RAD51B: variants seen among roughly 807,000 people sequenced by gnomAD.
RAD51B encodes the protein DNA repair protein RAD51 homolog 2.
A neutral mutation model predicts 42.2 loss-of-function variants in RAD51B; 38 were observed. That is an observed-to-expected ratio of 0.90 (90% CI 0.70 to 1.18). The LOEUF is 1.18. Among genes scored for constraint, RAD51B ranks in the 50% most tolerant of loss-of-function variants. The pLI is 0.00. For synonymous variants in RAD51B, 154 were observed against 145.2 expected, an observed-to-expected ratio of 1.06 and a Z score of -0.43; for missense variants, 373 against 400.7, an observed-to-expected ratio of 0.93 and a Z score of 0.59.
chr14:67,929,811 T>TG (rs1555417140), intron 7 of RAD51B, among the ~76,000 whole-genome samples: 8 of 152,038 alleles, frequency 5.3e-5, no homozygotes, highest in African/African-American at 1.9e-4. Flanking sequence ...TCTTTTTTTT[T>TG]TGTGTTTTTT....
intron 7 of RAD51B, among the ~76,000 whole-genome samples, chr14:67,943,380 G>C (rs1474721196): frequency 6.6e-6 from 1 of 152,100 alleles, no homozygotes; most frequent in East Asian, 1.9e-4. Flanking sequence ...AGGAGGTTTT[G>C]AATTAACTGG....
chr14:68,508,069 C>T (rs1302041793), intron 10 of RAD51B, among the ~76,000 whole-genome samples: 2 of 152,180 alleles, frequency 1.3e-5, no homozygotes, highest in Non-Finnish European at 2.9e-5. Flanking sequence ...AAGGGTTTAA[C>T]CCTGCTGAAG....
At chr14:68,397,086 G>A (rs1426280108) in intron 8 of RAD51B, among the ~76,000 whole-genome samples, 3 of 152,186 alleles carry the variant, frequency 2.0e-5, no homozygotes, top group African/African-American at 7.2e-5. Context: ...AAGGTGTTTA[G>A]CCTGGAAAAC....
chr14:68,003,238 C>T (rs2075520184), intron 7 of RAD51B, among the ~76,000 whole-genome samples: 1 of 152,116 alleles, frequency 6.6e-6, no homozygotes, highest in Admixed American at 6.5e-5. Flanking sequence ...TGAAGAGGTC[C>T]TTCACTTCCC....
chr14:68,126,643 C>G (rs977247912), intron 7 of RAD51B, among the ~76,000 whole-genome samples: 3 of 152,226 alleles, frequency 2.0e-5, no homozygotes, highest in African/African-American at 7.2e-5. Flanking sequence ...ACTGCAGCAT[C>G]TGTTCCATAC....
chr14:68,318,796 T>C (rs561443648), intron 8 of RAD51B, among the ~76,000 whole-genome samples: 1 of 152,344 alleles, frequency 6.6e-6, no homozygotes, highest in African/African-American at 2.4e-5. Context: ...AAGAAAATGC[T>C]GTTTCATCTG....
intron 7 of RAD51B, among the ~76,000 whole-genome samples, chr14:68,008,073 C>T (rs914179078): frequency 6.6e-6 from 1 of 151,536 alleles, no homozygotes; most frequent in Non-Finnish European, 1.5e-5. Context: ...GGATATTTGG[C>T]AACATTATAA....
At chr14:68,175,916 T>C (rs2078954527) in intron 7 of RAD51B, among the ~76,000 whole-genome samples, 1 of 152,256 alleles carries the variant, frequency 6.6e-6, no homozygotes, top group Admixed American at 6.5e-5. Context: ...ATGCACTTCC[T>C]AGAATAGTTG....
chr14:68,483,634 C>T (rs1441827825), intron 10 of RAD51B, among the ~76,000 whole-genome samples: 1 of 152,208 alleles, frequency 6.6e-6, no homozygotes, highest in East Asian at 1.9e-4. Context: ...TGTTACCAGA[C>T]ATGATGCACG....
At position 68,471,177 on chromosome 14, in the gene RAD51B, G is replaced by C. The variant is rs1423832916; in HGVS notation, c.1036+2927G>C. On this transcript the variant is annotated intron_variant, in intron 10 of 10. Transcript: ENST00000471583. Reference sequence around the variant, plus strand: ...GCCCATGTCCAGGGACTTAGAGACAGACAGGGCAGCTCCTGTGCTGCCAAC... The same window carrying C: ...GCCCATGTCCAGGGACTTAGAGACACACAGGGCAGCTCCTGTGCTGCCAAC... Among the ~76,000 whole-genome samples the C allele has an allele frequency of 2.0e-5, 3 of 152,166 alleles. No individual in the cohort carries two copies. The East Asian group carries it at 5.8e-4, about 29-fold the overall frequency.
At chr14:68,540,469 G>A (rs1297029161) in intron 10 of RAD51B, 1 of 985,172 alleles carries the variant, frequency 1.0e-6, no homozygotes, top group Non-Finnish European at 1.2e-6. Context: ...TCTTCATGTG[G>A]AAATGAGAGA....
chr14:68,566,586 C>T (rs1299101849), intron 10 of RAD51B, among the ~76,000 whole-genome samples: 1 of 152,184 alleles, frequency 6.6e-6, no homozygotes, highest in Non-Finnish European at 1.5e-5. Context: ...GCCAGATTGA[C>T]CACTGTCTTC....
chr14:68,428,331 T>G (rs2084903895), intron 9 of RAD51B, among the ~76,000 whole-genome samples: 1 of 152,182 alleles, frequency 6.6e-6, no homozygotes, highest in Non-Finnish European at 1.5e-5. Context: ...TCTTCCAATT[T>G]TTTTGCATTT....
intron 8 of RAD51B, among the ~76,000 whole-genome samples, chr14:68,331,380 A>AAAAAAAAAAAAAAAAAAAAAAAAAAAAC (rs1566813651): frequency 1.3e-5 from 2 of 148,348 alleles, no homozygotes; most frequent in Non-Finnish European, 3.0e-5. Flanking sequence ...AAAAAAAAAA[A>AAAAAAAAAAAAAAAAAAAAAAAAAAAAC]AAAAAGCAAT....
intron 7 of RAD51B, among the ~76,000 whole-genome samples, chr14:68,131,721 G>A (rs907248105): frequency 5.3e-5 from 8 of 151,814 alleles, no homozygotes; most frequent in African/African-American, 9.7e-5. Context: ...TAAAAAGATC[G>A]ACATATTCTT....
At chr14:68,485,694 C>G (rs898033425) in intron 10 of RAD51B, among the ~76,000 whole-genome samples, 1 of 152,160 alleles carries the variant, frequency 6.6e-6, no homozygotes, top group African/African-American at 2.4e-5. Context: ...TTTCTCCAGC[C>G]CCCACCCTCA....
intron 9 of RAD51B, among the ~76,000 whole-genome samples, chr14:68,466,303 C>T (rs1167899012): frequency 5.3e-5 from 8 of 152,186 alleles, no homozygotes; most frequent in Non-Finnish European, 1.2e-4. Context: ...TTGTGTTTGA[C>T]ACAGTGACAG....
intron 9 of RAD51B, among the ~76,000 whole-genome samples, chr14:68,434,331 GC>G (rs753450084): frequency 2.0e-5 from 3 of 152,126 alleles, no homozygotes; most frequent in Non-Finnish European, 4.4e-5. Flanking sequence ...GCTATGTCCT[GC>G]CCCCCAGAGG....
intron 7 of RAD51B, among the ~76,000 whole-genome samples, chr14:67,933,923 A>C (rs1161925146): frequency 6.6e-6 from 1 of 152,238 alleles, no homozygotes; most frequent in African/African-American, 2.4e-5. Context: ...TAATTCTACC[A>C]GAATTGAAGT....
Sources: allele counts gnomAD v4.1 joint callset (sites outside exome capture counted in the v4.1 genomes callset), GRCh38; gene constraint gnomAD v4.1.1; transcripts MANE v1.5; gene names NCBI Gene and HGNC (gene_info 2026-07-23, HGNC 2026-07-21).